Variants in CEP55 observed in about 807,000 individuals in gnomAD.
The protein encoded by CEP55 is centrosomal protein 55, also known as centrosomal protein of 55 kDa.
CEP55 carries 57 observed loss-of-function variants against 63.2 expected under a neutral mutation model. The ratio of observed to expected loss-of-function variants is 0.90; its 90% CI spans 0.73 to 1.13. The LOEUF (loss-of-function observed/expected upper bound fraction) is 1.13. Ranked by LOEUF, CEP55 falls within the 50% of genes most tolerant of loss-of-function variation. The pLI, the probability that CEP55 is intolerant of heterozygous loss-of-function variation, is 0.00. For missense variants in CEP55, 456 were observed against 518.9 expected, an observed-to-expected ratio of 0.88 and a Z score of 1.18; for synonymous variants, 178 against 191.6, an observed-to-expected ratio of 0.93 and a Z score of 0.59.
At chr10:93,527,914 A>G (rs948027063) in intron 8 of CEP55, 36 bp from the exon 9 acceptor site, 6 of 1,566,992 alleles carry the variant, frequency 3.8e-6, no homozygotes, top group Non-Finnish European at 5.2e-6. Flanking sequence ...CATTGGCCCT[A>G]TTTACAAATT....
rs561621046 is a variant in CEP55, at chr10:93,514,176, G to A, written c.529-1229G>A. Among the ~76,000 whole-genome samples, 11 of 151,984 alleles carry A rather than the reference G, an allele frequency of 7.2e-5. No homozygotes were observed. In the South Asian group the frequency reaches 8.3e-4, roughly 12 times the overall value. ...TTGAACTCCTGGCCTCAAGTAATCC[G>A]CCCGCCTCGGCCTCCCAAAGTGCTG... is the stretch of plus-strand genomic sequence containing the variant. On this transcript the variant is annotated intron_variant, in intron 4 of 8. Coordinates refer to ENST00000371485, the MANE Select transcript of CEP55 (RefSeq NM_018131.5).
Position 93,528,624 on chromosome 10 carries a change from AT to A in CEP55, c.*481del, listed in dbSNP as rs140828289. 0.018 allele frequency: 2,844 copies of A among 155,676 alleles called. 72 individuals are homozygous for A. The highest frequency in any genetic ancestry group is 0.064 in the African/African-American group (2,622 of 40,926). The allele number at this position is 155,676 out of a possible 1,614,324, so 9.6% of individuals were successfully genotyped here. A position where few individuals can be genotyped will look rare whatever the true frequency, so the allele number is the denominator to read the frequency against. ...TTGTTAAGAGGTGGTGATAGATACT[AT>A]TTTTTTTTTCATATTGTATAGCGGT... On this transcript the variant is annotated 3_prime_UTR_variant, in exon 9 of 9. Transcript: ENST00000371485.
At chr10:93,513,708 G>A (rs549655365) in intron 4 of CEP55, among the ~76,000 whole-genome samples, 1 of 152,262 alleles carries the variant, frequency 6.6e-6, no homozygotes, top group East Asian at 1.9e-4. Context: ...TGCTGATACT[G>A]TTATAGGTTC....
Position 93,515,520 on chromosome 10 carries a change from C to G in CEP55, c.644C>G (p.Ser215Ter), listed in dbSNP as rs1218617757. Residue 215 changes from serine to a stop codon, truncating the protein, a stop_gained, in exon 5 of 9, where the codon TCA (serine) becomes TGA (stop). Transcript: ENST00000371485. LOFTEE classifies it high-confidence loss of function. ...LEKKTETAAH[S>*]LPQQTKKPES... The stretch of plus-strand genomic sequence containing the variant: ...AAGAAAACGGAAACAGCTGCTCATT[C>G]ACTCCCACAGCAGACAAAAAAGCCT... 2 of 1,613,698 alleles carry G rather than the reference C, an allele frequency of 1.2e-6. No homozygotes were observed. Among genetic ancestry groups the G allele is most frequent in the Non-Finnish European group, 1.7e-6 (2 of 1,179,782 alleles).
intron 4 of CEP55, among the ~76,000 whole-genome samples, chr10:93,509,868 A>G (rs1055443023): frequency 5.9e-5 from 9 of 152,176 alleles, no homozygotes; most frequent in Admixed American, 1.3e-4. Flanking sequence ...ACCAGGGGGA[A>G]AATTGTAGTT....
At chr10:93,499,044 G>A (rs1475203522) in intron 1 of CEP55, among the ~76,000 whole-genome samples, 1 of 151,552 alleles carries the variant, frequency 6.6e-6, no homozygotes, top group African/African-American at 2.4e-5. Flanking sequence ...CTAGATTTTT[G>A]CCTGCTAAAG....
intron 3 of CEP55, among the ~76,000 whole-genome samples, chr10:93,504,487 C>T (rs933628734): frequency 3.4e-5 from 5 of 145,826 alleles, no homozygotes; most frequent in South Asian, 2.2e-4. Flanking sequence ...AAAAAAAAAT[C>T]ATCTATAGTA....
At chr10:93,527,829 C>T in intron 8 of CEP55, 121 bp from the exon 9 acceptor site, 1 of 783,494 alleles carries the variant, frequency 1.3e-6, no homozygotes, top group South Asian at 1.9e-5. Flanking sequence ...TGCAGTGAGC[C>T]ATGTTTGTGC....
intron 8 of CEP55, among the ~76,000 whole-genome samples, chr10:93,521,835 G>A (rs149661067): frequency 0.083 from 12,664 of 152,192 alleles, 739 homozygotes; most frequent in Non-Finnish European, 0.12. Context: ...AGGCAAACAG[G>A]GTCTGGAGTG....
chr10:93,528,326 A>G lies in CEP55; in HGVS notation c.*173A>G, dbSNP rs1254506412. 7 of 616,746 alleles carry G rather than the reference A, an allele frequency of 1.1e-5. No individual in the cohort carries two copies. Among genetic ancestry groups the G allele is most frequent in the African/African-American group, 5.5e-5 (3 of 54,118 alleles). The allele number at this position is 616,746 out of a possible 1,614,324, so 38.2% of individuals were successfully genotyped here. On this transcript the variant is annotated 3_prime_UTR_variant, in exon 9 of 9. Transcript: ENST00000371485. Reference sequence around the variant, plus strand: ...TAGGCTGCTGTGCATTTCTCTTGGCAGTGATACCTCCCTGACATGGTTCAT... The same window carrying G: ...TAGGCTGCTGTGCATTTCTCTTGGCGGTGATACCTCCCTGACATGGTTCAT...
Position 93,528,060 on chromosome 10 carries a change from T to G in CEP55, c.1302T>G (p.Asn434Lys). 6.2e-7 allele frequency: 1 copy of G among 1,613,978 alleles called. No individual in the cohort carries two copies. The highest frequency in any genetic ancestry group is 1.1e-5 in the South Asian group (1 of 91,078). The change falls in exon 9 of 9, where the codon AAT (asparagine) becomes AAG (lysine). Residue 434 changes from asparagine to lysine, a missense_variant. Physicochemically the swap from Asn to Lys is moderately conservative, Grantham distance 94. Coordinates refer to ENST00000371485, the MANE Select transcript of CEP55 (RefSeq NM_018131.5). ...ASPKSPTAAL[N>K]ESLVECPKCN... The stretch of plus-strand genomic sequence containing the variant: ...CAAAAAGTCCCACTGCTGCACTCAA[T>G]GAAAGCCTGGTGGAATGTCCCAAGT...
At chr10:93,518,423 T>C (rs2057825578) in intron 6 of CEP55, among the ~76,000 whole-genome samples, 1 of 152,236 alleles carries the variant, frequency 6.6e-6, no homozygotes. Flanking sequence ...GTGCTGGGAT[T>C]ACAGGTGCAA....
chr10:93,515,650 G>A (rs2134481419), intron 5 of CEP55, 95 bp downstream of exon 5: 2 of 1,282,506 alleles, frequency 1.6e-6, no homozygotes, highest in East Asian at 4.8e-5. Context: ...ATATGTGTTA[G>A]AAAGTAAAAT....
intron 8 of CEP55, chr10:93,520,155 C>T (rs1373267944): frequency 6.4e-5 from 19 of 298,478 alleles, no homozygotes; most frequent in Admixed American, 3.9e-4. Flanking sequence ...AGGCTGGGCA[C>T]GATGGCTTAT....
At chr10:93,523,059 T>C (rs1391714610) in intron 8 of CEP55, among the ~76,000 whole-genome samples, 4 of 152,160 alleles carry the variant, frequency 2.6e-5, no homozygotes, top group Non-Finnish European at 4.4e-5. Flanking sequence ...GCTAACATCA[T>C]AATGACAGGG....
intron 5 of CEP55, among the ~76,000 whole-genome samples, chr10:93,515,887 T>G (rs1192407479): frequency 4.6e-5 from 7 of 152,190 alleles, no homozygotes; most frequent in African/African-American, 7.2e-5. Flanking sequence ...CTCTTTTCAC[T>G]TTGCTTCCCT....
At chr10:93,509,769 A>T (rs1037632548) in intron 4 of CEP55, among the ~76,000 whole-genome samples, 5 of 152,142 alleles carry the variant, frequency 3.3e-5, no homozygotes, top group Non-Finnish European at 5.9e-5. Context: ...TACAGGTGTG[A>T]GTCATTACAC....
In CEP55 at chr10:93,521,295, T is replaced by A. The variant is rs1244151078; in HGVS notation, c.1191+1488T>A. ...CTTAGCAAACAGCACACCAGGAGAT[T>A]ATATCCCACGCCTGGCTTGGAGGGT... On this transcript the variant is annotated intron_variant, in intron 8 of 8. Transcript: ENST00000371485. Among the ~76,000 whole-genome samples the A allele has an allele frequency of 2.0e-5, 3 of 152,168 alleles. No individual in the cohort carries two copies. The East Asian group carries it at 5.8e-4, about 29-fold the overall frequency.
At position 93,518,798 on chromosome 10, in the gene CEP55, G is replaced by A. The variant is rs1169930536; in HGVS notation, c.994-79G>A. 3.3e-6 allele frequency: 3 copies of A among 922,294 alleles called. No homozygotes were observed. In the African/African-American group the frequency reaches 4.9e-5, roughly 15 times the overall value. 57.1% of individuals were successfully genotyped at this position (922,294 alleles called of 1,614,324 possible). A position where few individuals can be genotyped will look rare whatever the true frequency, so the allele number is the denominator to read the frequency against. Reference sequence around the variant, plus strand: ...TCCTGGTTAGAGATGTGAGACTTGTGATGTGAGCTTTCCGTGCATCCCAGG... The same window carrying A: ...TCCTGGTTAGAGATGTGAGACTTGTAATGTGAGCTTTCCGTGCATCCCAGG... On this transcript the variant is annotated intron_variant, in intron 6 of 8. Transcript: ENST00000371485.
Sources: gnomAD v4.1 joint callset for allele counts (sites outside exome capture counted in the v4.1 genomes callset) on GRCh38, gnomAD v4.1.1 for gene constraint, MANE v1.5 for transcripts, NCBI Gene and HGNC (gene_info 2026-07-23, HGNC 2026-07-21) for gene names.